B3GAT2: variants seen among roughly 807,000 people sequenced by gnomAD.
The protein encoded by B3GAT2 is beta-1,3-glucuronyltransferase 2.
A neutral mutation model predicts 27.8 loss-of-function variants in B3GAT2; 26 were observed. That is an observed-to-expected ratio of 0.93 (90% CI 0.68 to 1.30). The LOEUF (loss-of-function observed/expected upper bound fraction) is 1.30, where lower values mean the gene tolerates loss of function less well. Ranked by LOEUF, B3GAT2 falls within the 50% of genes most tolerant of loss-of-function variation. The probability of loss-of-function intolerance (pLI) is 0.00; values close to 1 mark genes in which losing one functional copy is unlikely to be tolerated. For synonymous variants in B3GAT2, 218 were observed against 195.1 expected (o/e 1.12, Z -0.98); for missense variants, 458 against 459.0 (o/e 1.00, Z 0.02).
rs1554218749 is a variant in B3GAT2 at position 70,956,729 on chromosome 6, A to G, written c.-300T>C. The stretch of plus-strand genomic sequence containing the variant: ...TCCAGCCGCGCGCCGCCGGTCCCGG[A>G]GTTGTGCCGAGTGCGGGAAAGGCGC... On this transcript the variant is annotated 5_prime_UTR_variant, in exon 1 of 4. Coordinates refer to ENST00000230053, the MANE Select transcript of B3GAT2 (RefSeq NM_080742.3). 7.7e-6 allele frequency: 10 copies of G among 1,303,472 alleles called. No homozygotes were observed. The highest frequency in any genetic ancestry group is 9.8e-6 in the Non-Finnish European group (10 of 1,025,168). The allele number at this position is 1,303,472 out of a possible 1,614,324, so 80.7% of individuals were successfully genotyped here. A position where few individuals can be genotyped will look rare whatever the true frequency, so the allele number is the denominator to read the frequency against.
At chr6:70,907,370 G>A (rs1053088102) in intron 1 of B3GAT2, among the ~76,000 whole-genome samples, 2 of 152,216 alleles carry the variant, frequency 1.3e-5, no homozygotes, top group Non-Finnish European at 2.9e-5. Flanking sequence ...CAACCAGGAA[G>A]AGAACCAGCC....
chr6:70,949,821 T>G (rs1162222354), intron 1 of B3GAT2, among the ~76,000 whole-genome samples: 2 of 151,404 alleles, frequency 1.3e-5, no homozygotes, highest in African/African-American at 4.9e-5. Flanking sequence ...CCAACAATGA[T>G]AGACTGGATT....
chr6:70,866,845 C>T (rs753795320), intron 2 of B3GAT2, among the ~76,000 whole-genome samples: 2 of 152,144 alleles, frequency 1.3e-5, no homozygotes, highest in Admixed American at 6.5e-5. Flanking sequence ...AACACTCCAC[C>T]CAACAACAGC....
Position 70,861,696 on chromosome 6 carries a change from C to CTT in B3GAT2, c.937_938dup (p.Tyr314SerfsTer7). The stretch of plus-strand genomic sequence containing the variant: ...CAATTTTCACTGTGTCCAGGTGGTA[C>CTT]TTTGGCTCGTTGGCTAGATTAACCT... On this transcript the variant is annotated frameshift_variant, in exon 4 of 4. Transcript: ENST00000230053. LOFTEE classifies it high-confidence loss of function. 6.2e-7 allele frequency: 1 copy of CTT among 1,614,064 alleles called. No individual in the cohort carries two copies. The highest frequency in any genetic ancestry group is 8.5e-7 in the Non-Finnish European group (1 of 1,179,970).
In B3GAT2 at chr6:70,884,113, AC is replaced by A. The variant is rs375488523; in HGVS notation, c.736+10014del. Among the ~76,000 whole-genome samples the A allele has an allele frequency of 7.3e-3, 968 of 132,066 alleles. 14 individuals carry two copies. Among genetic ancestry groups the A allele is most frequent in the African/African-American group, 0.026 (858 of 33,100 alleles). 86.6% of individuals were successfully genotyped at this position (132,066 alleles called of 152,430 possible). ...CAAGACTCAAAAAAAAAAAAAAAAA[AC>A]AAAAAAAACCCGCAACCACACAAAT... On this transcript the variant is annotated intron_variant, in intron 2 of 3. Transcript: ENST00000230053.
chr6:70,892,477 A>G (rs75145138), intron 2 of B3GAT2, among the ~76,000 whole-genome samples: 1 of 152,158 alleles, frequency 6.6e-6, no homozygotes, highest in Non-Finnish European at 1.5e-5. Flanking sequence ...TGTTAAGGAG[A>G]TATGTCTGGG....
intron 1 of B3GAT2, among the ~76,000 whole-genome samples, chr6:70,897,668 AAAAT>A (rs60064327): frequency 0.16 from 15,747 of 95,918 alleles, 1,465 homozygotes; most frequent in East Asian, 0.37. Context: ...GAAAAAAAAA[AAAAT>A]ATATATATAT....
In B3GAT2 at chr6:70,931,881, A is replaced by G. The variant is rs567811326; in HGVS notation, c.591+23958T>C. On this transcript the variant is annotated intron_variant, in intron 1 of 3. Coordinates refer to ENST00000230053, the MANE Select transcript of B3GAT2 (RefSeq NM_080742.3). ...TCCTCATTTGCAAATCACATATCTGATAAGTGACTAATATCCAAAATATCT... is the reference window on the plus strand; with the variant it reads ...TCCTCATTTGCAAATCACATATCTGGTAAGTGACTAATATCCAAAATATCT... Among the ~76,000 whole-genome samples the G allele has an allele frequency of 7.9e-4, 121 of 152,334 alleles. 1 individual carries two copies. Among genetic ancestry groups the G allele is most frequent in the Middle Eastern group, 3.4e-3 (1 of 294 alleles).
chr6:70,935,498 G>T (rs963049006), intron 1 of B3GAT2, among the ~76,000 whole-genome samples: 7 of 150,568 alleles, frequency 4.6e-5, no homozygotes, highest in Admixed American at 4.0e-4. Context: ...CCATCCAAAT[G>T]TCATTGAAAA....
At chr6:70,903,190 T>C (rs1772537768) in intron 1 of B3GAT2, among the ~76,000 whole-genome samples, 2 of 151,774 alleles carry the variant, frequency 1.3e-5, no homozygotes, top group African/African-American at 4.8e-5. Flanking sequence ...TCTCACAAAA[T>C]TCATAAAAAT....
chr6:70,883,268 G>C (rs970057806), intron 2 of B3GAT2, among the ~76,000 whole-genome samples: 6 of 152,140 alleles, frequency 3.9e-5, no homozygotes, highest in Admixed American at 1.3e-4. Context: ...AGATATCTGT[G>C]CACCAATGTT....
intron 1 of B3GAT2, among the ~76,000 whole-genome samples, chr6:70,903,948 T>C (rs473861): frequency 0.77 from 117,598 of 152,106 alleles, 46,439 homozygotes; most frequent in African/African-American, 0.93. Context: ...GTTCAAACAG[T>C]TTCACTCATA....
chr6:70,862,712 G>A (rs148706056), intron 2 of B3GAT2, among the ~76,000 whole-genome samples: 385 of 152,264 alleles, frequency 2.5e-3, no homozygotes, highest in Admixed American at 4.8e-3. Context: ...TCTCACATCT[G>A]TAATCTCAGC....
Position 70,956,101 on chromosome 6 carries a change from T to G in B3GAT2, c.329A>C (p.Gln110Pro). ...GTCCTCCACCAGGATCCAGTGCAGC[T>G]GCGCCACCTGGCGGAACGTGTTGGC... ...RLANTFRQVAQLHWILVEDAA... is the reference protein window; with the variant it reads ...RLANTFRQVAPLHWILVEDAA... The change falls in exon 1 of 4, where the codon CAG (glutamine) becomes CCG (proline). Residue 110 changes from glutamine (Q) to proline (P), a missense_variant. Coordinates refer to ENST00000230053, the MANE Select transcript of B3GAT2 (RefSeq NM_080742.3). The G allele has an allele frequency of 6.2e-7, 1 of 1,600,766 alleles. No individual in the cohort carries two copies. The highest frequency in any genetic ancestry group is 8.5e-7 in the Non-Finnish European group (1 of 1,175,082).
intron 1 of B3GAT2, among the ~76,000 whole-genome samples, chr6:70,925,635 C>T (rs574318088): frequency 1.9e-4 from 29 of 151,864 alleles, no homozygotes; most frequent in Non-Finnish European, 2.7e-4. Context: ...ACTAGGTAAA[C>T]GAAGCGGCCA....
chr6:70,943,524 T>C (rs1452034537), intron 1 of B3GAT2, among the ~76,000 whole-genome samples: 1 of 152,208 alleles, frequency 6.6e-6, no homozygotes, highest in East Asian at 1.9e-4. Flanking sequence ...TATTCTTCCG[T>C]TCAGTTCTGC....
Position 70,856,971 on chromosome 6 carries a change from C to T in B3GAT2, c.*4692G>A. Reference sequence around the variant, plus strand: ...GAAGAAGTGGCAAAGAAACAACTTTCCAAAGACTCCATCTTATCTCTGTAT... The same window carrying T: ...GAAGAAGTGGCAAAGAAACAACTTTTCAAAGACTCCATCTTATCTCTGTAT... On this transcript the variant is annotated 3_prime_UTR_variant, in exon 4 of 4. Transcript: ENST00000230053. The T allele has an allele frequency of 6.2e-7, 1 of 1,613,952 alleles. No homozygotes were observed. The highest frequency in any genetic ancestry group is 8.5e-7 in the Non-Finnish European group (1 of 1,179,866).
intron 2 of B3GAT2, among the ~76,000 whole-genome samples, chr6:70,873,762 G>A (rs1396051495): frequency 1.3e-5 from 2 of 151,840 alleles, no homozygotes; most frequent in East Asian, 3.9e-4. Context: ...TCCTTAAACT[G>A]GATCATATCA....
intron 1 of B3GAT2, among the ~76,000 whole-genome samples, chr6:70,951,797 G>C (rs1405864655): frequency 6.6e-6 from 1 of 152,020 alleles, no homozygotes; most frequent in East Asian, 1.9e-4. Flanking sequence ...TCAGACCTAT[G>C]GCATGACTCT....
Sources: allele counts gnomAD v4.1 joint callset (sites outside exome capture counted in the v4.1 genomes callset), GRCh38; gene constraint gnomAD v4.1.1; transcripts MANE v1.5; gene names NCBI Gene and HGNC (gene_info 2026-07-23, HGNC 2026-07-21).